Variants in HK1 observed in about 807,000 individuals in gnomAD.
HK1 encodes hexokinase-1.
In HK1, 28 loss-of-function variants were observed where a neutral mutation model predicts 91.6. The observed-to-expected ratio is 0.31, with a 90% CI of 0.23 to 0.42. The LOEUF is 0.42. Among genes scored for constraint, HK1 ranks in the 10% least tolerant of loss-of-function variants. HK1 has a pLI of 1.00. For synonymous variants in HK1, 430 were observed against 468.1 expected (o/e 0.92, Z 1.05); for missense variants, 770 against 1,219.8 (o/e 0.63, Z 5.49).
chr10:69,392,380 C>A (rs761231719), intron 15 of HK1, 72 bp downstream of exon 15: 1 of 1,507,254 alleles, frequency 6.6e-7, no homozygotes, highest in Non-Finnish European at 9.2e-7. Flanking sequence ...CTGCCACTTG[C>A]AGTGGAAGAA....
In HK1 at chr10:69,384,318, T is replaced by C; in HGVS notation, c.1571-15T>C. Reference sequence around the variant, plus strand: ...TAGCTGTTTTTGACATTCTTTACGCTTTTGACTGCAACAGAGAATGGTGAC... The same window carrying C: ...TAGCTGTTTTTGACATTCTTTACGCCTTTGACTGCAACAGAGAATGGTGAC... On this transcript the variant is annotated splice_polypyrimidine_tract_variant and intron_variant, in intron 10 of 17. Coordinates refer to ENST00000359426, the MANE Select transcript of HK1 (RefSeq NM_000188.3). 1 of 1,614,254 alleles carries C rather than the reference T, an allele frequency of 6.2e-7. No homozygotes were observed.
At position 69,393,454 on chromosome 10, in the gene HK1, G is replaced by A. The variant is rs147707780; in HGVS notation, c.2219+1146G>A. Among the ~76,000 whole-genome samples the A allele has an allele frequency of 9.9e-3, 1,507 of 152,104 alleles. 23 individuals are homozygous for A. The highest frequency in any genetic ancestry group is 0.034 in the African/African-American group (1,420 of 41,490). On this transcript the variant is annotated intron_variant, in intron 15 of 17. Coordinates refer to ENST00000359426, the MANE Select transcript of HK1 (RefSeq NM_000188.3). ...TGGGATTACAGGTGCACGGCACCAC[G>A]CCCAGCTAGTTTTTGTATTTTTGGT...
Position 69,334,006 on chromosome 10 carries a change from G to T in HK1, c.64-9821G>T, listed in dbSNP as rs1194702002. On this transcript the variant is annotated intron_variant, in intron 1 of 17. Coordinates refer to ENST00000359426, the MANE Select transcript of HK1 (RefSeq NM_000188.3). ...TGCGCCTGTAGTCCCAGCTACTCAG[G>T]AGGTTGAGGCAGGAGAATCGCTTGA... 4.6e-5 allele frequency among the ~76,000 whole-genome samples: 7 copies of T among 152,162 alleles called. No individual in the cohort carries two copies. The East Asian group carries it at 1.2e-3, about 25-fold the overall frequency.
At chr10:69,318,183 A>C, upstream of HK1, 2 of 985,338 alleles carry the variant, frequency 2.0e-6, no homozygotes, top group Non-Finnish European at 2.4e-6. Flanking sequence ...TGCCAGCTGG[A>C]GATTAGGCGG....
chr10:69,352,466 C>T (rs1042689756), intron 2 of HK1, among the ~76,000 whole-genome samples: 25 of 152,130 alleles, frequency 1.6e-4, no homozygotes, highest in Admixed American at 7.9e-4. Context: ...TCTCTCTTTC[C>T]TTTGGACCAC....
chr10:69,324,176 C>T (rs1050886379), intron 1 of HK1, among the ~76,000 whole-genome samples: 3 of 152,182 alleles, frequency 2.0e-5, no homozygotes, highest in Non-Finnish European at 2.9e-5. Context: ...CAAATCTGAT[C>T]ACAGGAGCTC....
chr10:69,379,807 T>G, intron 8 of HK1, 55 bp from the exon 9 acceptor site: 1 of 1,266,324 alleles, frequency 7.9e-7, no homozygotes, highest in South Asian at 1.2e-5. Context: ...GCCTCAGTGC[T>G]TTGCACTGCC....
At chr10:69,311,290 G>C (rs1302513078), upstream of HK1, among the ~76,000 whole-genome samples, 1 of 152,202 alleles carries the variant, frequency 6.6e-6, no homozygotes, top group Admixed American at 6.5e-5. Context: ...GCCTGAGCTA[G>C]TTTTTCAGGT....
chr10:69,335,093 C>T (rs962086673), intron 1 of HK1, among the ~76,000 whole-genome samples: 1 of 152,154 alleles, frequency 6.6e-6, no homozygotes, highest in Non-Finnish European at 1.5e-5. Context: ...GCTGCCTCCC[C>T]TCGTGGCCAT....
At chr10:69,287,066 T>C (rs910010318) in intron 2 of HK1, among the ~76,000 whole-genome samples, 5 of 151,938 alleles carry the variant, frequency 3.3e-5, no homozygotes, top group Admixed American at 3.3e-4. Context: ...AATTATGTCA[T>C]AATAACATCA....
intron 2 of HK1, among the ~76,000 whole-genome samples, chr10:69,283,201 C>T (rs1844847890): frequency 1.3e-5 from 2 of 148,794 alleles, no homozygotes; most frequent in Non-Finnish European, 3.0e-5. Flanking sequence ...AATCCCAGCA[C>T]TTTGAGAGGC....
chr10:69,276,021 C>A (rs149181321), intron 1 of HK1, among the ~76,000 whole-genome samples: 3,197 of 138,692 alleles, frequency 0.023, 129 homozygotes, highest in African/African-American at 0.082. Context: ...ATCCAGGAGG[C>A]AGAGGTTGCA....
intron 1 of HK1, among the ~76,000 whole-genome samples, chr10:69,336,087 A>G (rs1195575430): frequency 6.6e-6 from 1 of 152,230 alleles, no homozygotes; most frequent in Non-Finnish European, 1.5e-5. Flanking sequence ...TAAAGCAGGG[A>G]TATCTCTGGG....
rs754747375 is a variant in HK1, at chr10:69,369,252, A to G, written c.607A>G (p.Ile203Val). 9 of 1,613,908 alleles carry G rather than the reference A, an allele frequency of 5.6e-6. 1 individual carries two copies. The highest frequency in any genetic ancestry group is 3.3e-5 in the South Asian group (3 of 91,084). Residue 203 changes from isoleucine to valine, a missense_variant, in exon 6 of 18, where the codon ATC (isoleucine) becomes GTC (valine). Ile to Val is a conservative substitution (Grantham distance 29). Transcript: ENST00000359426. The surrounding 1 kb of genome is among the most constrained non-coding windows in gnomAD (Gnocchi z 4.4). ...IKKRGDYDANIVAVVNDTVGT... is the reference protein window; with the variant it reads ...IKKRGDYDANVVAVVNDTVGT... ...CTGTCCCCAGGACTATGATGCCAAC[A>G]TCGTAGCTGTGGTGAATGACACAGT...
intron 1 of HK1, among the ~76,000 whole-genome samples, chr10:69,273,782 T>G (rs896178973): frequency 3.9e-5 from 6 of 152,240 alleles, no homozygotes; most frequent in Non-Finnish European, 7.3e-5. Context: ...TTGTAGAATA[T>G]CCATGTCCTT....
At chr10:69,356,660 G>A (rs903233580) in intron 2 of HK1, among the ~76,000 whole-genome samples, 15 of 151,976 alleles carry the variant, frequency 9.9e-5, no homozygotes, top group African/African-American at 2.7e-4. Context: ...CGACGCAGGC[G>A]GATCACAAGG....
At chr10:69,294,275 T>A (rs1845444046) in intron 3 of HK1, among the ~76,000 whole-genome samples, 1 of 152,332 alleles carries the variant, frequency 6.6e-6, no homozygotes, top group South Asian at 2.1e-4. Context: ...TGTAAAAGCA[T>A]GGGTATAGGG....
chr10:69,389,246 T>A lies in HK1; in HGVS notation c.1985T>A (p.Met662Lys). 6.2e-7 allele frequency: 1 copy of A among 1,614,026 alleles called. No individual in the cohort carries two copies. The highest frequency in any genetic ancestry group is 8.5e-7 in the Non-Finnish European group (1 of 1,179,934). Residue 662 changes from methionine to lysine, a missense_variant, in exon 14 of 18, where the codon ATG becomes AAG. Met to Lys is a moderately conservative substitution (Grantham distance 95). This residue lies in a region of HK1 where 152 missense variants were observed against 211.1 expected (regional missense o/e 0.72). Coordinates refer to ENST00000359426, the MANE Select transcript of HK1 (RefSeq NM_000188.3). ...VAVVNDTVGT[M>K]MTCAYEEPTC... ...GTGGTCAACGACACAGTGGGCACCATGATGACCTGTGCTTATGAGGAGCCC... is the reference window on the plus strand; with the variant it reads ...GTGGTCAACGACACAGTGGGCACCAAGATGACCTGTGCTTATGAGGAGCCC...
At chr10:69,292,945 C>G (rs972096538) in intron 3 of HK1, among the ~76,000 whole-genome samples, 5 of 152,268 alleles carry the variant, frequency 3.3e-5, no homozygotes, top group African/African-American at 1.2e-4. Context: ...GGACCAGGAC[C>G]CACCCTATCC....
Sources: gnomAD v4.1 joint callset for allele counts (sites outside exome capture counted in the v4.1 genomes callset) on GRCh38, gnomAD v4.1.1 for gene constraint, gnomAD v4.1.1 regional missense constraint, Gnocchi (gnomAD v3.1) non-coding constraint, MANE v1.5 for transcripts, NCBI Gene and HGNC (gene_info 2026-07-23, HGNC 2026-07-21) for gene names.